Variants in TTN observed in about 807,000 individuals in gnomAD.
The protein encoded by TTN is connectin.
In TTN, 1,525 loss-of-function variants were observed where a neutral mutation model predicts 3,223.0. The ratio of observed to expected loss-of-function variants is 0.47; its 90% CI spans 0.45 to 0.49. The LOEUF (loss-of-function observed/expected upper bound fraction) is 0.49. TTN is among the 20% of genes least tolerant of loss of function. The pLI, the probability that TTN is intolerant of heterozygous loss-of-function variation, is 0.00. For synonymous variants in TTN, 14,094 were observed against 15,161.0 expected (o/e 0.93, Z 5.17); for missense variants, 40,786 against 43,424.0 (o/e 0.94, Z 5.40).
Position 178,633,462 on chromosome 2 carries a change from A to G in TTN, c.42897T>C (p.Tyr14299=). The change falls in exon 232 of 363, where the codon TAT becomes TAC. Residue 14299 remains tyrosine (Y), a synonymous_variant. Coordinates refer to ENST00000589042, the MANE Select transcript of TTN (RefSeq NM_001267550.2). The part of the protein sequence containing the change: ...KKADLKDKGE[Y]VCDCGTDKTK... ...TCTTGTCTGTGCCACAGTCACACAC[A>G]TATTCGCCTTTATCTTTAAGGTCCG... 6.2e-7 allele frequency: 1 copy of G among 1,613,404 alleles called. No individual in the cohort carries two copies. The highest frequency in any genetic ancestry group is 1.3e-5 in the African/African-American group (1 of 75,022).
chr2:178,748,501 TTGGAACTCCAGAGC>T, intron 47 of TTN: 1 of 1,613,116 alleles, frequency 6.2e-7, no homozygotes, highest in Non-Finnish European at 8.5e-7. Flanking sequence ...TTTCTTGCCC[TTGGAACTCCAGAGC>T]TGGATCTCCT....
chr2:178,530,547 T>C lies in TTN; in HGVS notation c.106068A>G (p.Glu35356=). 1 of 1,614,018 alleles carries C rather than the reference T, an allele frequency of 6.2e-7. No homozygotes were observed. The highest frequency in any genetic ancestry group is 8.5e-7 in the Non-Finnish European group (1 of 1,179,886). ...CTTCACCAGAAATCTCACAAACATATTCTCCTTGATCAGATTCAGTGAGGT... is the reference window on the plus strand; with the variant it reads ...CTTCACCAGAAATCTCACAAACATACTCTCCTTGATCAGATTCAGTGAGGT... The part of the protein sequence containing the change: ...INNLTESDQG[E]YVCEISGEGG... Residue 35356 remains glutamate, a synonymous_variant, in exon 358 of 363, where the codon GAA becomes GAG. Coordinates refer to ENST00000589042, the MANE Select transcript of TTN (RefSeq NM_001267550.2).
Position 178,566,667 on chromosome 2 carries a change from C to T in TTN, c.79465G>A (p.Gly26489Ser), listed in dbSNP as rs772724683. 1.2e-6 allele frequency: 2 copies of T among 1,612,984 alleles called. No homozygotes were observed. The highest frequency in any genetic ancestry group is 1.7e-6 in the Non-Finnish European group (2 of 1,179,690). The change falls in exon 326 of 363, where the codon GGC becomes AGC. Residue 26489 changes from glycine (G) to serine (S), a missense_variant. Transcript: ENST00000589042. ...YKACDPVFKP[G>S]PPTNAHIVDT... ...ACAATGTGTGCATTGGTAGGTGGGCCAGGTTTGAACACAGGATCACAGGCT... is the reference window on the plus strand; with the variant it reads ...ACAATGTGTGCATTGGTAGGTGGGCTAGGTTTGAACACAGGATCACAGGCT...
chr2:178,682,267 G>T (rs2069606873), intron 135 of TTN, among the ~76,000 whole-genome samples: 1 of 151,934 alleles, frequency 6.6e-6, no homozygotes, highest in Non-Finnish European at 1.5e-5. Flanking sequence ...TTGATAATGG[G>T]AACCCTGTGG....
intron 3 of TTN, 136 bp downstream of exon 3, chr2:178,802,002 T>G (rs902408602): frequency 2.8e-6 from 3 of 1,063,676 alleles, no homozygotes; most frequent in African/African-American, 3.2e-5. Context: ...TTATAAATAA[T>G]TCAGCCTCCA....
Position 178,782,577 on chromosome 2 carries a change from G to A in TTN, c.3126C>T (p.Thr1042=). 1 of 1,613,962 alleles carries A rather than the reference G, an allele frequency of 6.2e-7. No individual in the cohort carries two copies. Reference sequence around the variant, plus strand: ...TAGTAAATTTCTCAGTCACGGCTGTGGTTTCCTTTTCAAATTCTTCTGACA... The same window carrying A: ...TAGTAAATTTCTCAGTCACGGCTGTAGTTTCCTTTTCAAATTCTTCTGACA... ...VQVSEEFEKE[T]TAVTEKFTTE... is the part of the protein sequence containing the mutation. Residue 1042 remains threonine (T), a synonymous_variant, in exon 19 of 363, where the codon ACC becomes ACT. Transcript: ENST00000589042.
At chr2:178,596,540 C>T (rs1227414207) in intron 294 of TTN, among the ~76,000 whole-genome samples, 1 of 151,896 alleles carries the variant, frequency 6.6e-6, no homozygotes, top group Non-Finnish European at 1.5e-5. Context: ...GATCAACAAG[C>T]AGCATAGGAG....
chr2:178,575,460 GT>G lies in TTN; in HGVS notation c.70671del (p.Lys23557AsnfsTer12). On this transcript the variant is annotated frameshift_variant, in exon 326 of 363. Coordinates refer to ENST00000589042, the MANE Select transcript of TTN (RefSeq NM_001267550.2). LOFTEE classifies it high-confidence loss of function. This position sits in a 1 kb window ranked among gnomAD's most constrained non-coding sequence, Gnocchi z 4.0. ...STVSLAWPKPKHDGGSKITGY... is the reference protein window; with the variant it reads ...STVSLAWPKPXHDGGSKITGY... ...CCAGTGATCTTGCTGCCACCATCGT[GT>G]TTGGGCTTAGGCCATGCCAGGCTGA... The G allele has an allele frequency of 6.2e-7, 1 of 1,613,602 alleles. No individual in the cohort carries two copies. The highest frequency in any genetic ancestry group is 8.5e-7 in the Non-Finnish European group (1 of 1,179,648).
At position 178,617,466 on chromosome 2, in the gene TTN, C is replaced by T; in HGVS notation, c.47619G>A (p.Gln15873=). 6.3e-7 allele frequency: 1 copy of T among 1,599,526 alleles called. No homozygotes were observed. The highest frequency in any genetic ancestry group is 8.5e-7 in the Non-Finnish European group (1 of 1,175,508). The change falls in exon 254 of 363, where the codon CAG becomes CAA. Residue 15873 remains glutamine, a synonymous_variant. Coordinates refer to ENST00000589042, the MANE Select transcript of TTN (RefSeq NM_001267550.2). Reference sequence around the variant, plus strand: ...GTTCCCATTTGAGCTGAACTGATGACTGAGTCTGATCTGAGGAAGTTAGGT... The same window carrying T: ...GTTCCCATTTGAGCTGAACTGATGATTGAGTCTGATCTGAGGAAGTTAGGT... The part of the protein sequence containing the change: ...PVNLTSSDQT[Q]SSVQLKWEPP...
chr2:178,554,331 T>C, intron 332 of TTN, 115 bp from the exon 333 acceptor site: 1 of 1,427,016 alleles, frequency 7.0e-7, no homozygotes, highest in South Asian at 1.3e-5. Context: ...ATTTTTCACC[T>C]TGTGAAAAGG....
Position 178,561,622 on chromosome 2 carries a change from G to A in TTN, c.84510C>T (p.Thr28170=). The change falls in exon 326 of 363, where the codon ACC becomes ACT. Residue 28170 remains threonine (T), a synonymous_variant. Coordinates refer to ENST00000589042, the MANE Select transcript of TTN (RefSeq NM_001267550.2). ...CTGGCACTTGCCAGGTTACAAGCAT[G>A]GTAGATTTTGTGGCATGCACAACTT... is the stretch of plus-strand genomic sequence containing the variant. The part of the protein sequence containing the change: ...TPKVVHATKS[T]MLVTWQVPVN... 6.2e-7 allele frequency: 1 copy of A among 1,612,468 alleles called. No homozygotes were observed. Among genetic ancestry groups the A allele is most frequent in the Non-Finnish European group, 8.5e-7 (1 of 1,179,144 alleles).
Position 178,549,812 on chromosome 2 carries a change from A to G in TTN, c.91910T>C (p.Met30637Thr). The change falls in exon 338 of 363, where the codon ATG becomes ACG. Residue 30637 changes from methionine to threonine, a missense_variant. Transcript: ENST00000589042. Reference protein sequence around the residue: ...IRFTNITGEKMTLWWDAPLND... With the variant: ...IRFTNITGEKTTLWWDAPLND... ...GAGTGGGGCATCCCACCACAGAGTC[A>G]TCTTCTCCCCAGTAATATTGGTGAA... 1 of 1,606,062 alleles carries G rather than the reference A, an allele frequency of 6.2e-7. No homozygotes were observed. The highest frequency in any genetic ancestry group is 8.5e-7 in the Non-Finnish European group (1 of 1,173,994).
rs2092997969 is a variant in TTN at position 178,784,153 on chromosome 2, C to T, written c.2692G>A (p.Val898Met). Residue 898 changes from valine to methionine, a missense_variant, in exon 16 of 363, where the codon GTG becomes ATG. Transcript: ENST00000589042. ...ATGCTCACCCCTACTTCCTTTTTCA[C>T]CTCAACGCCAGCTTCACTCTTGTAA... ...DTYKSEAGVE[V>M]KKEVGVSITG... 6.2e-7 allele frequency: 1 copy of T among 1,614,146 alleles called. No homozygotes were observed. The highest frequency in any genetic ancestry group is 1.1e-5 in the South Asian group (1 of 91,088).
chr2:178,689,617 T>C (rs1464753394), intron 122 of TTN, 22 bp from the exon 123 acceptor site: 9 of 1,578,586 alleles, frequency 5.7e-6, no homozygotes, highest in Middle Eastern at 1.7e-4. Flanking sequence ...ATTTTTAGAA[T>C]TGACTTTATA....
rs1172907334 is a variant in TTN at position 178,776,350 on chromosome 2, C to A, written c.5514G>T (p.Lys1838Asn). The change falls in exon 28 of 363, where the codon AAG (lysine) becomes AAT (asparagine). Residue 1838 changes from lysine (K) to asparagine (N), a missense_variant. Coordinates refer to ENST00000589042, the MANE Select transcript of TTN (RefSeq NM_001267550.2). ...GGTACAAGACAATGTCTGGCTTTTG[C>A]TTTTCTTTCTGATCTGTTGTTACAC... is the stretch of plus-strand genomic sequence containing the variant. ...LTGVTTDQKE[K>N]QKPDIVLYPE... 3 of 1,613,574 alleles carry A rather than the reference C, an allele frequency of 1.9e-6. No homozygotes were observed. The highest frequency in any genetic ancestry group is 4.5e-5 in the East Asian group (2 of 44,884).
intron 115 of TTN, 78 bp from the exon 116 acceptor site, chr2:178,694,984 G>T: frequency 1.9e-6 from 2 of 1,034,932 alleles, no homozygotes; most frequent in Non-Finnish European, 2.8e-6. Context: ...CTCTCTCTCT[G>T]TGTATATGTG....
intron 359 of TTN, 139 bp downstream of exon 359, chr2:178,529,821 G>T: frequency 3.1e-6 from 3 of 959,126 alleles, no homozygotes; most frequent in Non-Finnish European, 4.5e-6. Flanking sequence ...CTGCTTTGGT[G>T]TACAAATTGT....
chr2:178,536,907 T>C, intron 356 of TTN, 31 bp downstream of exon 356: 2 of 1,535,300 alleles, frequency 1.3e-6, no homozygotes, highest in Admixed American at 2.0e-5. Flanking sequence ...AACTTTACCA[T>C]AGGAAGATAC....
intron 37 of TTN, 56 bp from the exon 38 acceptor site, chr2:178,768,989 G>T (rs1383749118): frequency 1.9e-6 from 3 of 1,592,664 alleles, no homozygotes; most frequent in Admixed American, 1.7e-5. Context: ...TATGATGTGG[G>T]TTATAACAGG....
Sources: allele counts gnomAD v4.1 joint callset (sites outside exome capture counted in the v4.1 genomes callset), GRCh38; gene constraint gnomAD v4.1.1; non-coding constraint Gnocchi (gnomAD v3.1); transcripts MANE v1.5; gene names NCBI Gene and HGNC (gene_info 2026-07-23, HGNC 2026-07-21).